Variants in C7 observed in about 807,000 individuals in gnomAD.
C7 encodes the protein complement component C7.
A neutral mutation model predicts 104.8 loss-of-function variants in C7; 83 were observed. The observed-to-expected ratio is 0.79, with a 90% CI of 0.66 to 0.95. C7 has a LOEUF of 0.95. Ranked by LOEUF, C7 falls within the 40% of genes least tolerant of loss-of-function variation. The pLI is 0.00. For missense variants in C7, 1,070 were observed against 1,011.2 expected, an observed-to-expected ratio of 1.06 and a Z score of -0.79; for synonymous variants, 415 against 360.6, an observed-to-expected ratio of 1.15 and a Z score of -1.71.
At chr5:40,972,646 G>A (rs928448175) in intron 15 of C7, 52 bp downstream of exon 15, 17 of 1,464,378 alleles carry the variant, frequency 1.2e-5, no homozygotes, top group African/African-American at 1.4e-5. Flanking sequence ...GCAAGTGAGA[G>A]TCCTTGTGGC....
intron 4 of C7, among the ~76,000 whole-genome samples, chr5:40,934,979 T>A (rs969821240): frequency 5.9e-5 from 9 of 152,340 alleles, no homozygotes; most frequent in African/African-American, 2.2e-4. Context: ...CAACATTTAG[T>A]AAACATTTAT....
intron 17 of C7, among the ~76,000 whole-genome samples, chr5:40,980,583 C>T (rs1171292287): frequency 1.3e-5 from 2 of 152,234 alleles, no homozygotes; most frequent in African/African-American, 4.8e-5. Flanking sequence ...GCACAGCAAA[C>T]CTCCCATGAT....
chr5:40,940,954 T>C (rs1023145400), intron 6 of C7, among the ~76,000 whole-genome samples: 3 of 152,170 alleles, frequency 2.0e-5, no homozygotes, highest in Non-Finnish European at 4.4e-5. Flanking sequence ...TGTATGTATA[T>C]GCAGTGAATA....
At chr5:40,957,622 A>G (rs1384837296) in intron 10 of C7, among the ~76,000 whole-genome samples, 3 of 151,722 alleles carry the variant, frequency 2.0e-5, no homozygotes, top group Non-Finnish European at 4.4e-5. Flanking sequence ...CACCCTGCTA[A>G]TTTTGTATTT....
chr5:40,962,573 T>TCCAGGA (rs1740446607), intron 13 of C7, among the ~76,000 whole-genome samples: 1 of 152,218 alleles, frequency 6.6e-6, no homozygotes, highest in African/African-American at 2.4e-5. Flanking sequence ...GATGAAGTAT[T>TCCAGGA]AGGTTTATTC....
intron 15 of C7, among the ~76,000 whole-genome samples, chr5:40,975,046 G>A (rs1327905984): frequency 6.6e-6 from 1 of 152,138 alleles, no homozygotes; most frequent in African/African-American, 2.4e-5. Context: ...TCCCCTGGGG[G>A]ACAAAACTGC....
In C7 at chr5:40,969,771, CT is replaced by C. The variant is rs111461782; in HGVS notation, c.1883-2621del. ...GTTTAGCAGCCTTTCAGCATATTTT[CT>C]TTTTTTTTTTAATTTACAAATACCT... On this transcript the variant is annotated intron_variant, in intron 14 of 17. Transcript: ENST00000313164. 1.9e-3 allele frequency among the ~76,000 whole-genome samples: 271 copies of C among 145,730 alleles called. 1 individual carries two copies. Among genetic ancestry groups the C allele is most frequent in the African/African-American group, 5.6e-3 (223 of 40,060 alleles).
At chr5:40,932,010 G>A (rs765309408) in intron 3 of C7, among the ~76,000 whole-genome samples, 3 of 152,030 alleles carry the variant, frequency 2.0e-5, no homozygotes, top group Non-Finnish European at 2.9e-5. Context: ...CACCTGCCTC[G>A]GCCTTCCAAA....
Position 40,955,617 on chromosome 5 carries a change from G to T in C7, c.1260+64G>T. The stretch of plus-strand genomic sequence containing the variant: ...TGTTTATTTGCATGAGGAAAACGAA[G>T]GTGGTTAAATCAAGATGGTTAAACA... On this transcript the variant is annotated intron_variant, in intron 10 of 17. Transcript: ENST00000313164. The T allele has an allele frequency of 2.7e-6, 4 of 1,486,912 alleles. No homozygotes were observed. The South Asian group carries it at 5.0e-5, about 19-fold the overall frequency. The allele number at this position is 1,486,912 out of a possible 1,614,324, so 92.1% of individuals were successfully genotyped here.
chr5:40,928,588 C>T lies in C7; in HGVS notation c.15C>T (p.Ser5=). 1.3e-6 allele frequency: 2 copies of T among 1,532,750 alleles called. No individual in the cohort carries two copies. The highest frequency in any genetic ancestry group is 1.9e-5 in the Admixed American group (1 of 51,350). 94.9% of individuals were successfully genotyped at this position (1,532,750 alleles called of 1,614,324 possible). The change falls in exon 2 of 18, where the codon AGC becomes AGT. Residue 5 remains serine, a synonymous_variant. Transcript: ENST00000313164. ...TTGTTTTTCTTCTCCAGGTGATAAG[C>T]TTATTCATTTTGGTGGGATTTATAG... MKVI[S]LFILVGFIGE... is the part of the protein sequence containing the mutation.
chr5:40,920,922 G>A (rs573995083), intron 1 of C7, among the ~76,000 whole-genome samples: 8 of 152,104 alleles, frequency 5.3e-5, no homozygotes, highest in African/African-American at 7.2e-5. Flanking sequence ...GGTGGTGCAC[G>A]CCTATAATCT....
In C7 at chr5:40,928,543, C is replaced by A. The variant is rs188527255; in HGVS notation, c.7-37C>A. The A allele has an allele frequency of 1.4e-4, 170 of 1,186,518 alleles. No individual in the cohort carries two copies. The African/African-American group carries it at 2.5e-3, about 17-fold the overall frequency. 73.5% of individuals were successfully genotyped at this position (1,186,518 alleles called of 1,614,324 possible). On this transcript the variant is annotated intron_variant, in intron 1 of 17. Coordinates refer to ENST00000313164, the MANE Select transcript of C7 (RefSeq NM_000587.4). ...CAATTTATAGTTATAAAAAGAAATGCAAGCTAAAATAATACTTTATTGTTT... is the reference window on the plus strand; with the variant it reads ...CAATTTATAGTTATAAAAAGAAATGAAAGCTAAAATAATACTTTATTGTTT...
intron 10 of C7, among the ~76,000 whole-genome samples, chr5:40,957,259 G>C (rs1740306863): frequency 6.6e-6 from 1 of 152,184 alleles, no homozygotes; most frequent in Non-Finnish European, 1.5e-5. Flanking sequence ...CAGCACATCT[G>C]TGATTTCAAG....
intron 1 of C7, among the ~76,000 whole-genome samples, chr5:40,927,097 T>C (rs1579842607): frequency 6.6e-6 from 1 of 151,706 alleles, no homozygotes; most frequent in Non-Finnish European, 1.5e-5. Context: ...GCACCCCACA[T>C]ATATGGTCGA....
chr5:40,944,181 C>T (rs188573841), intron 6 of C7, among the ~76,000 whole-genome samples: 1 of 152,270 alleles, frequency 6.6e-6, no homozygotes, highest in East Asian at 1.9e-4. Flanking sequence ...ATAATAAAAA[C>T]ACAAATGCTT....
intron 15 of C7, among the ~76,000 whole-genome samples, chr5:40,974,243 G>A (rs1740764675): frequency 6.6e-6 from 1 of 151,820 alleles, no homozygotes; most frequent in Non-Finnish European, 1.5e-5. Flanking sequence ...TAGTCTTGAT[G>A]GGAATAAATT....
intron 1 of C7, among the ~76,000 whole-genome samples, chr5:40,920,905 T>A (rs1334392328): frequency 1.3e-5 from 2 of 152,078 alleles, no homozygotes; most frequent in Non-Finnish European, 2.9e-5. Context: ...AAAACTTCAC[T>A]GGGCGTGGTG....
intron 1 of C7, among the ~76,000 whole-genome samples, chr5:40,922,987 A>G (rs1739473112): frequency 6.6e-6 from 1 of 152,192 alleles, no homozygotes; most frequent in African/African-American, 2.4e-5. Context: ...GATTATATCA[A>G]GCTAAAAAGC....
At chr5:40,925,694 T>C (rs1316033500) in intron 1 of C7, among the ~76,000 whole-genome samples, 2 of 152,142 alleles carry the variant, frequency 1.3e-5, no homozygotes, top group Non-Finnish European at 2.9e-5. Context: ...CTTGGTTCTG[T>C]AGGCTGTACA....
Sources: allele counts gnomAD v4.1 joint callset (sites outside exome capture counted in the v4.1 genomes callset), GRCh38; gene constraint gnomAD v4.1.1; transcripts MANE v1.5; gene names NCBI Gene and HGNC (gene_info 2026-07-23, HGNC 2026-07-21).